Variants in VPS53 observed in about 807,000 individuals in gnomAD.
The protein encoded by VPS53 is vacuolar protein sorting-associated protein 53 homolog.
In VPS53, 70 loss-of-function variants were observed where a neutral mutation model predicts 107.0. The ratio of observed to expected loss-of-function variants is 0.65; its 90% CI spans 0.54 to 0.80. The LOEUF is 0.80. VPS53 is among the 30% of genes least tolerant of loss of function. VPS53 has a pLI of 0.00. For synonymous variants in VPS53, 409 were observed against 393.3 expected, an observed-to-expected ratio of 1.04 and a Z score of -0.47; for missense variants, 917 against 1,049.4, an observed-to-expected ratio of 0.87 and a Z score of 1.74.
chr17:650,040 A>C (rs1488370271), intron 7 of VPS53, among the ~76,000 whole-genome samples: 1 of 152,236 alleles, frequency 6.6e-6, no homozygotes, highest in Non-Finnish European at 1.5e-5. Context: ...CATGAAAGGA[A>C]AATTAAGAGA....
chr17:703,048 A>G (rs1036930776), intron 2 of VPS53, among the ~76,000 whole-genome samples: 3 of 152,112 alleles, frequency 2.0e-5, no homozygotes, highest in African/African-American at 7.2e-5. Flanking sequence ...TCTCTACCAA[A>G]AATACAAAAA....
intron 19 of VPS53, among the ~76,000 whole-genome samples, chr17:529,394 ACACT>A (rs1241055508): frequency 3.9e-5 from 4 of 101,474 alleles, no homozygotes; most frequent in Non-Finnish European, 7.3e-5. Context: ...TCACACACAC[ACACT>A]CACACACACA....
chr17:627,951 GC>G (rs1281720412), intron 9 of VPS53, 136 bp downstream of exon 9: 4 of 814,214 alleles, frequency 4.9e-6, no homozygotes, highest in Middle Eastern at 3.6e-4. Context: ...TATAAACTCA[GC>G]CCCTAGGACT....
At chr17:521,926 T>C (rs1003374824) in intron 19 of VPS53, among the ~76,000 whole-genome samples, 188 bp from the exon 20 acceptor site, 1 of 152,078 alleles carries the variant, frequency 6.6e-6, no homozygotes, top group African/African-American at 2.4e-5. Flanking sequence ...AGAAACAACA[T>C]CAAGGAGCCA....
Position 646,056 on chromosome 17 carries a change from T to C in VPS53, c.608+7235A>G, listed in dbSNP as rs1293499854. Reference sequence around the variant, plus strand: ...CACATCTCGGTGACCGCGTGGCCTCTGCCTGATAAGGGTCTTATCTTTTCT... The same window carrying C: ...CACATCTCGGTGACCGCGTGGCCTCCGCCTGATAAGGGTCTTATCTTTTCT... On this transcript the variant is annotated intron_variant, in intron 7 of 21. Transcript: ENST00000437048. Among the ~76,000 whole-genome samples, 8 of 127,400 alleles carry C rather than the reference T, an allele frequency of 6.3e-5. No homozygotes were observed. The Admixed American group carries it at 7.2e-4, about 12-fold the overall frequency. 83.6% of individuals were successfully genotyped at this position (127,400 alleles called of 152,430 possible). A position where few individuals can be genotyped will look rare whatever the true frequency, so the allele number is the denominator to read the frequency against.
intron 2 of VPS53, among the ~76,000 whole-genome samples, chr17:709,823 C>CA (rs550771691): frequency 6.6e-6 from 1 of 152,094 alleles, no homozygotes; most frequent in African/African-American, 2.4e-5. Flanking sequence ...AATCACCGGA[C>CA]AAAAAATAAT....
At position 559,970 on chromosome 17, in the gene VPS53, A is replaced by G. The variant is rs540039225; in HGVS notation, c.1704+456T>C. ...CCAAACAATGGCTATTTGTTGAGGC[A>G]GATTGAAAATGCCATGTAAATTTCA... On this transcript the variant is annotated intron_variant, in intron 15 of 21. Transcript: ENST00000437048. Among the ~76,000 whole-genome samples the G allele has an allele frequency of 2.6e-5, 4 of 152,372 alleles. No individual in the cohort carries two copies. The South Asian group carries it at 8.3e-4, about 32-fold the overall frequency.
chr17:560,588 C>A lies in VPS53; in HGVS notation c.1557-15G>T. ...TGGTTGTGGTTCTGAAGAAAAGGAA[C>A]AGGAACAAGTCAGCATGGAATTTCT... On this transcript the variant is annotated splice_polypyrimidine_tract_variant and intron_variant, in intron 14 of 21. Transcript: ENST00000437048. The A allele has an allele frequency of 1.2e-6, 2 of 1,611,356 alleles. No homozygotes were observed. Among genetic ancestry groups the A allele is most frequent in the Non-Finnish European group, 1.7e-6 (2 of 1,178,390 alleles).
Position 579,899 on chromosome 17 carries a change from C to T in VPS53, c.1313+6371G>A, listed in dbSNP as rs139748021. ...CCTCAGTGCATTACCAGAGAACCAC[C>T]GTCAGGACCTAATGTGGTCCCAGAG... On this transcript the variant is annotated intron_variant, in intron 13 of 21. Transcript: ENST00000437048. Among the ~76,000 whole-genome samples the T allele has an allele frequency of 1.7e-3, 255 of 151,946 alleles. 1 individual carries two copies. Among genetic ancestry groups the T allele is most frequent in the African/African-American group, 5.9e-3 (246 of 41,444 alleles).
rs559027588 is a variant in VPS53 at position 513,079 on chromosome 17, T to G, written c.*6049A>C. 6.6e-6 allele frequency: 1 copy of G among 152,386 alleles called. No individual in the cohort carries two copies. The highest frequency in any genetic ancestry group is 2.1e-4 in the South Asian group (1 of 4,824). 9.4% of individuals were successfully genotyped at this position (152,386 alleles called of 1,614,324 possible). On this transcript the variant is annotated 3_prime_UTR_variant, in exon 22 of 22. Coordinates refer to ENST00000437048, the MANE Select transcript of VPS53 (RefSeq NM_001128159.3). ...CAGGACTGGGCTCAGTCGGCCACAT[T>G]CTGCTCCCACGCGTTGCTTCCTTAG...
intron 12 of VPS53, among the ~76,000 whole-genome samples, chr17:587,669 CTATG>C (rs1444429214): frequency 6.6e-6 from 1 of 152,100 alleles, no homozygotes; most frequent in Admixed American, 6.5e-5. Flanking sequence ...AAAGATTTTC[CTATG>C]TATTACTTCT....
At chr17:712,696 C>T (rs915628199) in intron 1 of VPS53, among the ~76,000 whole-genome samples, 1 of 152,170 alleles carries the variant, frequency 6.6e-6, no homozygotes, top group Non-Finnish European at 1.5e-5. Flanking sequence ...TATACTATCA[C>T]TCAAACTTAT....
chr17:563,890 T>C (rs544172018), intron 13 of VPS53, among the ~76,000 whole-genome samples: 1 of 152,376 alleles, frequency 6.6e-6, no homozygotes, highest in South Asian at 2.1e-4. Flanking sequence ...TAATGGTTTC[T>C]TTCTCCTCCG....
chr17:685,703 T>C (rs752311409), intron 4 of VPS53, among the ~76,000 whole-genome samples: 2 of 152,114 alleles, frequency 1.3e-5, no homozygotes, highest in East Asian at 1.9e-4. Flanking sequence ...ATGTGTATGA[T>C]TGAGAAAAAT....
At chr17:586,691 A>C (rs539951715) in intron 12 of VPS53, among the ~76,000 whole-genome samples, 1 of 152,236 alleles carries the variant, frequency 6.6e-6, no homozygotes, top group African/African-American at 2.4e-5. Context: ...GTATTTACAC[A>C]GTGCTTTAGA....
chr17:613,331 A>G (rs1968982080), intron 11 of VPS53, among the ~76,000 whole-genome samples: 1 of 151,372 alleles, frequency 6.6e-6, no homozygotes, highest in South Asian at 2.1e-4. Context: ...AACCTGTACA[A>G]ATATTCACAT....
chr17:579,652 A>C (rs550402421), intron 13 of VPS53, among the ~76,000 whole-genome samples: 2 of 151,036 alleles, frequency 1.3e-5, no homozygotes, highest in African/African-American at 2.4e-5. Flanking sequence ...TCAGAACCTA[A>C]TTCCTTCCCA....
intron 17 of VPS53, among the ~76,000 whole-genome samples, chr17:545,329 G>A (rs1032306556): frequency 3.3e-5 from 5 of 152,106 alleles, no homozygotes; most frequent in African/African-American, 1.2e-4. Context: ...CCACACCCCC[G>A]CGGGCTCGTA....
chr17:584,694 T>A (rs764542002), intron 13 of VPS53, among the ~76,000 whole-genome samples: 15 of 152,174 alleles, frequency 9.9e-5, no homozygotes, highest in South Asian at 2.1e-4. Context: ...CTAGTTTTTT[T>A]AAAAAAATTA....
Sources: allele counts gnomAD v4.1 joint callset (sites outside exome capture counted in the v4.1 genomes callset), GRCh38; gene constraint gnomAD v4.1.1; transcripts MANE v1.5; gene names NCBI Gene and HGNC (gene_info 2026-07-23, HGNC 2026-07-21).